The following CLIC5 variants were observed in gnomAD, a reference collection of about 807,000 sequenced individuals.
The protein encoded by CLIC5 is chloride intracellular channel protein 5.
In CLIC5, 20 loss-of-function variants were observed where a neutral mutation model predicts 24.7. That is an observed-to-expected ratio of 0.81 (90% confidence interval 0.57 to 1.18). The LOEUF (loss-of-function observed/expected upper bound fraction) is 1.18. CLIC5 is among the 50% of genes most tolerant of loss of function. The pLI, the probability that CLIC5 is intolerant of heterozygous loss-of-function variation, is 0.00. For synonymous variants in CLIC5, 159 were observed against 135.6 expected (o/e 1.17, Z -1.20); for missense variants, 341 against 326.1 (o/e 1.05, Z -0.35).
the CLIC5 span, among the ~76,000 whole-genome samples, chr6:46,102,871 C>G: frequency 6.6e-6 from 1 of 152,148 alleles, no homozygotes; most frequent in African/African-American, 2.4e-5. Flanking sequence ...GAAAGAAACA[C>G]AAGACTGGGA....
the CLIC5 span, among the ~76,000 whole-genome samples, chr6:46,120,802 C>A: frequency 3.6e-3 from 546 of 152,050 alleles, 2 homozygotes; most frequent in African/African-American, 0.012. Flanking sequence ...CTTCAGTAGC[C>A]GATTCGATCA....
chr6:45,981,008 T>C (rs1015159488), intron 1 of CLIC5, among the ~76,000 whole-genome samples: 1 of 152,218 alleles, frequency 6.6e-6, no homozygotes, highest in Non-Finnish European at 1.5e-5. Flanking sequence ...TCTCTCTCTG[T>C]AGCCCAGGCT....
chr6:46,053,890 T>C (rs1475621982), intron 1 of CLIC5, among the ~76,000 whole-genome samples: 1 of 152,160 alleles, frequency 6.6e-6, no homozygotes, highest in African/African-American at 2.4e-5. Flanking sequence ...CTCTGAGAAC[T>C]AGATACCATA....
At chr6:46,045,422 G>C (rs1037844884) in intron 1 of CLIC5, among the ~76,000 whole-genome samples, 4 of 152,012 alleles carry the variant, frequency 2.6e-5, no homozygotes, top group African/African-American at 9.7e-5. Context: ...AGGGGAATAT[G>C]ACTCACCCTG....
At chr6:45,929,301 G>A (rs1476485903) in intron 4 of CLIC5, among the ~76,000 whole-genome samples, 1 of 152,184 alleles carries the variant, frequency 6.6e-6, no homozygotes, top group East Asian at 1.9e-4. Context: ...CAGCTCATGG[G>A]AGGGACCAGA....
upstream of CLIC5, among the ~76,000 whole-genome samples, chr6:46,084,621 T>C (rs1407118231): frequency 6.6e-6 from 1 of 152,248 alleles, no homozygotes; most frequent in Non-Finnish European, 1.5e-5. Flanking sequence ...TTCTGGCTTG[T>C]AGAGTTTCTG....
At chr6:45,955,813 C>T (rs1290313506) in intron 1 of CLIC5, among the ~76,000 whole-genome samples, 1 of 150,342 alleles carries the variant, frequency 6.7e-6, no homozygotes, top group Non-Finnish European at 1.5e-5. Context: ...GGAGGCTAAT[C>T]AGGAAGCTCA....
intron 1 of CLIC5, among the ~76,000 whole-genome samples, chr6:46,025,458 G>T (rs547361375): frequency 6.6e-6 from 1 of 152,172 alleles, no homozygotes; most frequent in Non-Finnish European, 1.5e-5. Context: ...GCTAGAAAGC[G>T]CTAGAGCTGG....
Position 45,974,497 on chromosome 6 carries a change from G to GTATA in CLIC5, c.64-19257_64-19254dup, listed in dbSNP as rs1554154071. Among the ~76,000 whole-genome samples the GTATA allele has an allele frequency of 7.8e-3, 590 of 75,792 alleles. 7 individuals are homozygous for GTATA. Among genetic ancestry groups the GTATA allele is most frequent in the Non-Finnish European group, 0.01 (394 of 38,930 alleles). The allele number at this position is 75,792 out of a possible 152,430, so 49.7% of individuals were successfully genotyped here. A position where few individuals can be genotyped will look rare whatever the true frequency, so the allele number is the denominator to read the frequency against. ...AGTGTTTACTACTGTGTGTGTGTGTGTATATATATATATATATATATATAT... is the reference window on the plus strand; with the variant it reads ...AGTGTTTACTACTGTGTGTGTGTGTGTATATATATATATATATATATATATATAT... On this transcript the variant is annotated intron_variant, in intron 1 of 5. Transcript: ENST00000339561.
chr6:46,022,270 G>A (rs931613659), intron 1 of CLIC5, among the ~76,000 whole-genome samples: 5 of 152,112 alleles, frequency 3.3e-5, no homozygotes, highest in African/African-American at 9.7e-5. Flanking sequence ...ACCCACTACC[G>A]GAGTGCAATC....
intron 5 of CLIC5, among the ~76,000 whole-genome samples, chr6:45,905,530 T>A (rs1257090013): frequency 1.3e-5 from 2 of 151,814 alleles, no homozygotes; most frequent in African/African-American, 4.8e-5. Context: ...TGTCTTTTTT[T>A]GAGAAGTGTC....
chr6:46,040,823 A>G (rs1172252845), intron 1 of CLIC5, among the ~76,000 whole-genome samples: 4 of 152,182 alleles, frequency 2.6e-5, no homozygotes, highest in Admixed American at 6.5e-5. Context: ...TGGATAAATC[A>G]GAAAAATGGA....
chr6:46,048,262 C>A (rs764221180), intron 1 of CLIC5, among the ~76,000 whole-genome samples: 1 of 152,190 alleles, frequency 6.6e-6, no homozygotes, highest in Non-Finnish European at 1.5e-5. Context: ...CTGGGCCTCC[C>A]AAACTGCTGG....
chr6:46,054,431 TA>T (rs1468455677), intron 1 of CLIC5, among the ~76,000 whole-genome samples: 1 of 152,200 alleles, frequency 6.6e-6, no homozygotes, highest in Non-Finnish European at 1.5e-5. Flanking sequence ...TGATCCAAGC[TA>T]ATCCCTGGGT....
rs549926865 is a variant in CLIC5, at chr6:45,974,592, G to T, written c.64-19348C>A. Among the ~76,000 whole-genome samples the T allele has an allele frequency of 6.2e-4, 92 of 149,258 alleles. 3 individuals are homozygous for T. In the South Asian group the frequency reaches 7.9e-3, roughly 13 times the overall value. ...AGAGAGAGAGAGAGGGCATGCCATA[G>T]AGAGGAGTTGAGGGCAGGACCTGAT... is the stretch of plus-strand genomic sequence containing the variant. On this transcript the variant is annotated intron_variant, in intron 1 of 5. Transcript: ENST00000339561.
chr6:46,081,882 A>AATCTT (rs1257027185), upstream of CLIC5, among the ~76,000 whole-genome samples: 13 of 152,126 alleles, frequency 8.5e-5, 1 homozygote, highest in South Asian at 1.9e-3. Context: ...AGTATTTTCC[A>AATCTT]ATCTTTTTTT....
At chr6:46,044,100 C>A (rs1006454634) in intron 1 of CLIC5, among the ~76,000 whole-genome samples, 1 of 152,150 alleles carries the variant, frequency 6.6e-6, no homozygotes, top group African/African-American at 2.4e-5. Context: ...AATTCAAAAG[C>A]AGCCATTAGC....
chr6:46,051,704 T>G (rs1768106912), intron 1 of CLIC5, among the ~76,000 whole-genome samples: 1 of 152,248 alleles, frequency 6.6e-6, no homozygotes, highest in South Asian at 2.1e-4. Flanking sequence ...TCCTTGTATT[T>G]GTTTAGTGCT....
intron 1 of CLIC5, among the ~76,000 whole-genome samples, chr6:46,048,839 G>A (rs1253944565): frequency 6.6e-6 from 1 of 152,204 alleles, no homozygotes; most frequent in Non-Finnish European, 1.5e-5. Context: ...GGCACATGCA[G>A]TGGCTTAGCA....
Sources: gnomAD v4.1 joint callset for allele counts (sites outside exome capture counted in the v4.1 genomes callset) on GRCh38, gnomAD v4.1.1 for gene constraint, MANE v1.5 for transcripts, NCBI Gene and HGNC (gene_info 2026-07-23, HGNC 2026-07-21) for gene names.